LMAN2: variants seen among roughly 807,000 people sequenced by gnomAD.
The protein encoded by LMAN2 is vesicular integral-membrane protein VIP36.
A neutral mutation model predicts 39.3 loss-of-function variants in LMAN2; 22 were observed. That is an observed-to-expected ratio of 0.56 (90% CI 0.40 to 0.80). LMAN2 has a LOEUF of 0.80. LMAN2 is among the 30% of genes least tolerant of loss of function. The probability of loss-of-function intolerance (pLI) is 0.00; values close to 1 mark genes in which losing one functional copy is unlikely to be tolerated. For synonymous variants in LMAN2, 207 were observed against 207.8 expected (o/e 1.00, Z 0.03); for missense variants, 494 against 505.4 (o/e 0.98, Z 0.22).
At chr5:177,334,450 G>A in intron 6 of LMAN2, 47 bp from the exon 7 acceptor site, 1 of 1,583,802 alleles carries the variant, frequency 6.3e-7, no homozygotes, top group Middle Eastern at 1.7e-4. Flanking sequence ...GCCAGCCGCA[G>A]GGCACGTGGC....
At chr5:177,339,520 G>T (rs1342697014) in intron 2 of LMAN2, among the ~76,000 whole-genome samples, 1 of 152,248 alleles carries the variant, frequency 6.6e-6, no homozygotes, top group Non-Finnish European at 1.5e-5. Context: ...GAAGTCGCTT[G>T]TGAAAACTAA....
In LMAN2 at chr5:177,351,554, G is replaced by C. The variant is rs201793728; in HGVS notation, c.94C>G (p.Pro32Ala). The C allele has an allele frequency of 6.2e-7, 1 of 1,614,260 alleles. No individual in the cohort carries two copies. Among genetic ancestry groups the C allele is most frequent in the Non-Finnish European group, 8.5e-7 (1 of 1,180,044 alleles). ...LLGPGPGPTTPLFLLLLLGSV... is the reference protein window; with the variant it reads ...LLGPGPGPTTALFLLLLLGSV... ...CCCAACAACAAAAGAAGAAAGAGAGGTGTAGTGGGGCCAGGGCCGGGGCCG... is the reference window on the plus strand; with the variant it reads ...CCCAACAACAAAAGAAGAAAGAGAGCTGTAGTGGGGCCAGGGCCGGGGCCG... Residue 32 changes from proline (P) to alanine (A), a missense_variant, in exon 1 of 8, where the codon CCT becomes GCT. Coordinates refer to ENST00000303127, the MANE Select transcript of LMAN2 (RefSeq NM_006816.3).
In LMAN2 at chr5:177,337,706, C is replaced by G; in HGVS notation, c.513G>C (p.Glu171Asp). The G allele has an allele frequency of 1.2e-6, 2 of 1,613,930 alleles. No individual in the cohort carries two copies. The highest frequency in any genetic ancestry group is 8.5e-7 in the Non-Finnish European group (1 of 1,179,920). The stretch of plus-strand genomic sequence containing the variant: ...TCAGCAGGATAGAGCAGGGGCCTAC[C>G]TCAGTGGTCTCATCATTGGGGTAGG... ...LDTYPNDETT[E>D]RVFPYISVMV... Residue 171 changes from glutamate (E) to aspartate (D), a missense_variant and splice_region_variant, in exon 4 of 8, where the codon GAG becomes GAC. Physicochemically the swap from Glu to Asp is conservative, Grantham distance 45 (BLOSUM62 2). Transcript: ENST00000303127. This position sits in a 1 kb window ranked among gnomAD's most constrained non-coding sequence, Gnocchi z 8.2.
chr5:177,335,135 G>C (rs935866137), intron 6 of LMAN2, among the ~76,000 whole-genome samples: 2 of 152,226 alleles, frequency 1.3e-5, no homozygotes. Flanking sequence ...GTTGAAGGGA[G>C]CAGGAATCTC....
At chr5:177,347,001 A>G (rs1260519956) in intron 2 of LMAN2, among the ~76,000 whole-genome samples, 2 of 152,230 alleles carry the variant, frequency 1.3e-5, no homozygotes, top group Non-Finnish European at 2.9e-5. Flanking sequence ...ATCCACATTC[A>G]TAAGCACAAA....
At position 177,334,368 on chromosome 5, in the gene LMAN2, G is replaced by A. The variant is rs1761438213; in HGVS notation, c.826C>T (p.Leu276=). 3.7e-6 allele frequency: 6 copies of A among 1,613,682 alleles called. No homozygotes were observed. Among genetic ancestry groups the A allele is most frequent in the Non-Finnish European group, 5.1e-6 (6 of 1,179,994 alleles). ...HDIISMKLFQ[L]MVEHTPDEES... The stretch of plus-strand genomic sequence containing the variant: ...TCGTCGGGCGTGTGCTCCACCATCA[G>A]CTGGAACAGCTTCATGGAGATGATG... The change falls in exon 7 of 8, where the codon CTG becomes TTG. Residue 276 remains leucine, a synonymous_variant. Transcript: ENST00000303127.
In LMAN2 at chr5:177,351,630, C is replaced by T. The variant is rs750255337; in HGVS notation, c.18G>A (p.Trp6Ter). The T allele has an allele frequency of 5.6e-6, 9 of 1,594,490 alleles. No homozygotes were observed. Among genetic ancestry groups the T allele is most frequent in the Non-Finnish European group, 7.7e-6 (9 of 1,172,884 alleles). ...GCCGGCCCCAGCCCCAACGCCAAAT[C>T]CAGCCTTCCGCCGCCATTCTCCTCT... MAAEG[W>*]IWRWGWGRRC... is the part of the protein sequence containing the mutation. Residue 6 changes from tryptophan (W) to a stop codon, truncating the protein, a stop_gained, in exon 1 of 8, where the codon TGG becomes TGA. Transcript: ENST00000303127. LOFTEE classifies it high-confidence loss of function.
Position 177,332,058 on chromosome 5 carries a change from C to G in LMAN2, c.*28G>C, listed in dbSNP as rs1207830503. 1.9e-6 allele frequency: 3 copies of G among 1,574,442 alleles called. No homozygotes were observed. Among genetic ancestry groups the G allele is most frequent in the Middle Eastern group, 3.4e-4 (2 of 5,858 alleles). On this transcript the variant is annotated 3_prime_UTR_variant, in exon 8 of 8. Transcript: ENST00000303127. This position sits in a 1 kb window ranked among gnomAD's most constrained non-coding sequence, Gnocchi z 6.3. Reference sequence around the variant, plus strand: ...AAAAGTTCACATTGGCTCCTGGGCCCAGGGACAGGCCCCGCCGGAGGCGCC... The same window carrying G: ...AAAAGTTCACATTGGCTCCTGGGCCGAGGGACAGGCCCCGCCGGAGGCGCC...
intron 2 of LMAN2, among the ~76,000 whole-genome samples, chr5:177,342,758 T>C (rs1761575284): frequency 6.6e-6 from 1 of 150,376 alleles, no homozygotes; most frequent in African/African-American, 2.5e-5. Flanking sequence ...AAAATGTTCA[T>C]GACACTGGAT....
chr5:177,351,643 G>A lies in LMAN2; in HGVS notation c.5C>T (p.Ala2Val), dbSNP rs1761730246. 5.7e-6 allele frequency: 9 copies of A among 1,589,438 alleles called. No individual in the cohort carries two copies. The highest frequency in any genetic ancestry group is 3.4e-5 in the South Asian group (3 of 88,330). The change falls in exon 1 of 8, where the codon GCG becomes GTG. Residue 2 changes from alanine (A) to valine (V), a missense_variant. Transcript: ENST00000303127. Reference protein sequence around the residue: MAAEGWIWRWGW... With the variant: MVAEGWIWRWGW... Reference sequence around the variant, plus strand: ...CCAACGCCAAATCCAGCCTTCCGCCGCCATTCTCCTCTCCTCTCGGCCACT... The same window carrying A: ...CCAACGCCAAATCCAGCCTTCCGCCACCATTCTCCTCTCCTCTCGGCCACT...
At chr5:177,336,715 G>C (rs1761478111) in intron 6 of LMAN2, among the ~76,000 whole-genome samples, 2 of 152,232 alleles carry the variant, frequency 1.3e-5, no homozygotes, top group African/African-American at 4.8e-5. Context: ...GGGCTGAGCA[G>C]GTCCAGAGCG....
At chr5:177,333,105 T>C (rs1467160273) in intron 7 of LMAN2, among the ~76,000 whole-genome samples, 1 of 152,170 alleles carries the variant, frequency 6.6e-6, no homozygotes, top group African/African-American at 2.4e-5. Context: ...CAGCCTCTGC[T>C]CTGCACACCG....
Position 177,337,016 on chromosome 5 carries a change from G to A in LMAN2, c.790+120C>T, listed in dbSNP as rs1581601831. 1 of 710,468 alleles carries A rather than the reference G, an allele frequency of 1.4e-6. No homozygotes were observed. Among genetic ancestry groups the A allele is most frequent in the Non-Finnish European group, 2.4e-6 (1 of 412,068 alleles). The allele number at this position is 710,468 out of a possible 1,614,324, so 44.0% of individuals were successfully genotyped here. A position where few individuals can be genotyped will look rare whatever the true frequency, so the allele number is the denominator to read the frequency against. On this transcript the variant is annotated intron_variant, in intron 6 of 7. Coordinates refer to ENST00000303127, the MANE Select transcript of LMAN2 (RefSeq NM_006816.3). This position sits in a 1 kb window ranked among gnomAD's most constrained non-coding sequence, Gnocchi z 8.2. ...GGCCATTTACAGAAGAAAGGAGGAGGAGGAACACAGCCAGGTGAGCTCAGA... is the reference window on the plus strand; with the variant it reads ...GGCCATTTACAGAAGAAAGGAGGAGAAGGAACACAGCCAGGTGAGCTCAGA...
At chr5:177,350,410 G>A (rs1240634199) in intron 2 of LMAN2, among the ~76,000 whole-genome samples, 1 of 152,178 alleles carries the variant, frequency 6.6e-6, no homozygotes, top group African/African-American at 2.4e-5. Flanking sequence ...CTGCCTCAGT[G>A]TGGATTCTGT....
rs74959983 is a variant in LMAN2 at position 177,349,303 on chromosome 5, G to A, written c.315+1870C>T. Among the ~76,000 whole-genome samples the A allele has an allele frequency of 8.3e-3, 1,262 of 152,282 alleles. 9 individuals carry two copies. Among genetic ancestry groups the A allele is most frequent in the East Asian group, 0.052 (268 of 5,182 alleles). On this transcript the variant is annotated intron_variant, in intron 2 of 7. Transcript: ENST00000303127. ...GTTCGCCTGAGTGCATGCCTCTCCC[G>A]GATGGAGTGAATGAAGGAGATAAAA...
chr5:177,345,431 T>TAAAAAAAAAAAAA (rs1449005387), intron 2 of LMAN2, among the ~76,000 whole-genome samples: 27 of 148,232 alleles, frequency 1.8e-4, no homozygotes, highest in African/African-American at 6.8e-4. Flanking sequence ...GATTTAAAGG[T>TAAAAAAAAAAAAA]AAAAAGGGTT....
chr5:177,341,373 A>T (rs1761552328), intron 2 of LMAN2, among the ~76,000 whole-genome samples: 1 of 152,118 alleles, frequency 6.6e-6, no homozygotes, highest in East Asian at 1.9e-4. Flanking sequence ...GCCATAAAAA[A>T]AATAATAATC....
intron 6 of LMAN2, among the ~76,000 whole-genome samples, chr5:177,336,524 G>A (rs778355415): frequency 6.6e-6 from 1 of 152,230 alleles, no homozygotes; most frequent in Admixed American, 6.5e-5. Context: ...AAGCCGCCAG[G>A]TAGTCAGGGA....
At chr5:177,344,658 C>T (rs1463829461) in intron 2 of LMAN2, among the ~76,000 whole-genome samples, 1 of 151,718 alleles carries the variant, frequency 6.6e-6, no homozygotes, top group African/African-American at 2.4e-5. Context: ...GTAATCCCAG[C>T]ACTTTGGGAG....
Sources: allele counts gnomAD v4.1 joint callset (sites outside exome capture counted in the v4.1 genomes callset), GRCh38; gene constraint gnomAD v4.1.1; non-coding constraint Gnocchi (gnomAD v3.1); transcripts MANE v1.5; gene names NCBI Gene and HGNC (gene_info 2026-07-23, HGNC 2026-07-21).